Variants in ZNF385D observed in about 807,000 individuals in gnomAD.
ZNF385D encodes zinc finger protein 659.
In ZNF385D, 15 loss-of-function variants were observed where a neutral mutation model predicts 35.8. The observed-to-expected ratio is 0.42, with a 90% CI of 0.28 to 0.64. ZNF385D has a LOEUF of 0.64. Ranked by LOEUF, ZNF385D falls within the 30% of genes least tolerant of loss-of-function variation. The probability of loss-of-function intolerance (pLI) is 0.23; values close to 1 mark genes in which losing one functional copy is unlikely to be tolerated. For synonymous variants in ZNF385D, 212 were observed against 186.8 expected (o/e 1.13, Z -1.10); for missense variants, 474 against 494.6 (o/e 0.96, Z 0.39).
At chr3:21,507,576 T>C (rs1321717690) in intron 4 of ZNF385D, among the ~76,000 whole-genome samples, 1 of 152,150 alleles carries the variant, frequency 6.6e-6, no homozygotes, top group African/African-American at 2.4e-5. Context: ...TTCTGCCAAG[T>C]ATTTAACTAT....
At chr3:22,057,669 A>C (rs1699475165) in intron 3 of ZNF385D, among the ~76,000 whole-genome samples, 1 of 151,928 alleles carries the variant, frequency 6.6e-6, no homozygotes, top group African/African-American at 2.4e-5. Context: ...GCACACCACC[A>C]CATCCGGCTA....
chr3:21,546,066 T>C (rs2062359884), intron 3 of ZNF385D, among the ~76,000 whole-genome samples: 1 of 151,544 alleles, frequency 6.6e-6, no homozygotes, highest in African/African-American at 2.4e-5. Context: ...CCTATCATAT[T>C]TTTTTTTTGG....
chr3:22,238,758 G>C (rs1699330315), intron 2 of ZNF385D, among the ~76,000 whole-genome samples: 1 of 150,516 alleles, frequency 6.6e-6, no homozygotes, highest in Non-Finnish European at 1.5e-5. Flanking sequence ...TTTTAGACAA[G>C]ATCTTGCTCT....
intron 1 of ZNF385D, among the ~76,000 whole-genome samples, chr3:21,733,270 A>G (rs908577054): frequency 6.6e-6 from 1 of 152,120 alleles, no homozygotes; most frequent in African/African-American, 2.4e-5. Flanking sequence ...CAATACCACA[A>G]TATCTTGATT....
chr3:21,761,568 C>G (rs1003234649), intron 3 of ZNF385D, among the ~76,000 whole-genome samples: 4 of 152,058 alleles, frequency 2.6e-5, no homozygotes, highest in Admixed American at 6.5e-5. Flanking sequence ...TCAATCAATG[C>G]AAGAACCAAC....
chr3:22,043,489 C>T (rs770178317), intron 3 of ZNF385D, among the ~76,000 whole-genome samples: 1 of 152,098 alleles, frequency 6.6e-6, no homozygotes, highest in Non-Finnish European at 1.5e-5. Flanking sequence ...TTTATGTAAA[C>T]ATATTTACTT....
chr3:21,790,949 A>G (rs952901026), intron 3 of ZNF385D, among the ~76,000 whole-genome samples: 1 of 152,170 alleles, frequency 6.6e-6, no homozygotes, highest in African/African-American at 2.4e-5. Context: ...TGTTACAACA[A>G]GGGGTAAGGA....
chr3:22,036,818 C>T (rs774257354), intron 3 of ZNF385D, among the ~76,000 whole-genome samples: 6 of 149,014 alleles, frequency 4.0e-5, no homozygotes, highest in South Asian at 2.1e-4. Flanking sequence ...CCCATTAACT[C>T]GTCATTTAAC....
chr3:21,813,441 C>T (rs115364451), intron 3 of ZNF385D, among the ~76,000 whole-genome samples: 25,212 of 152,068 alleles, frequency 0.17, 2,290 homozygotes, highest in Non-Finnish European at 0.2. Flanking sequence ...CGCAAAGAAG[C>T]GAAAAACCTT....
At chr3:22,219,904 C>G (rs956470805) in intron 2 of ZNF385D, among the ~76,000 whole-genome samples, 2 of 151,952 alleles carry the variant, frequency 1.3e-5, no homozygotes, top group Non-Finnish European at 2.9e-5. Context: ...GTATTCTATG[C>G]CTCTTTTCTC....
chr3:21,792,469 C>T (rs977481734), intron 3 of ZNF385D, among the ~76,000 whole-genome samples: 1 of 152,198 alleles, frequency 6.6e-6, no homozygotes, highest in African/African-American at 2.4e-5. Flanking sequence ...GGCTTTCAGG[C>T]TACAATGGCA....
At chr3:22,296,416 G>A (rs1702580071) in intron 2 of ZNF385D, among the ~76,000 whole-genome samples, 1 of 152,072 alleles carries the variant, frequency 6.6e-6, no homozygotes, top group South Asian at 2.1e-4. Context: ...GGGTTCTCCA[G>A]GAAGAAAATG....
Position 21,740,675 on chromosome 3 carries a change from G to A in ZNF385D, c.22+10220C>T, listed in dbSNP as rs1256564286. 2.0e-5 allele frequency among the ~76,000 whole-genome samples: 3 copies of A among 152,172 alleles called. No homozygotes were observed. In the South Asian group the frequency reaches 6.2e-4, roughly 32 times the overall value. On this transcript the variant is annotated intron_variant, in intron 1 of 7. Transcript: ENST00000281523. ...GTGAGAGGAGACAATGTGTCGTGGG[G>A]AAAGAACCCAGGCTTTGAACTCAGA...
intron 3 of ZNF385D, among the ~76,000 whole-genome samples, chr3:22,032,670 A>T (rs986748451): frequency 6.6e-6 from 1 of 152,208 alleles, no homozygotes; most frequent in Admixed American, 6.5e-5. Flanking sequence ...ACTGACAAGT[A>T]CTAAACAATT....
intron 2 of ZNF385D, among the ~76,000 whole-genome samples, chr3:22,328,075 G>C (rs999288602): frequency 8.6e-5 from 13 of 151,738 alleles, no homozygotes; most frequent in Non-Finnish European, 1.5e-4. Flanking sequence ...CTTTTATTTA[G>C]GTTTCTTTTT....
At chr3:21,557,889 A>G (rs1271428381) in intron 3 of ZNF385D, among the ~76,000 whole-genome samples, 1 of 152,128 alleles carries the variant, frequency 6.6e-6, no homozygotes, top group African/African-American at 2.4e-5. Flanking sequence ...GGGAGGGTGT[A>G]TGGGTCCAGG....
intron 2 of ZNF385D, among the ~76,000 whole-genome samples, chr3:21,625,744 G>T (rs1252900953): frequency 2.0e-5 from 3 of 151,924 alleles, no homozygotes; most frequent in African/African-American, 7.3e-5. Flanking sequence ...TATTCAAATT[G>T]AATTAAAACT....
chr3:22,079,058 G>T (rs890595406), intron 3 of ZNF385D, among the ~76,000 whole-genome samples: 1 of 152,004 alleles, frequency 6.6e-6, no homozygotes, highest in Non-Finnish European at 1.5e-5. Context: ...GAAGACAGAA[G>T]TGGAATCAAA....
chr3:22,074,578 T>G (rs1211607134), intron 3 of ZNF385D, among the ~76,000 whole-genome samples: 2 of 151,982 alleles, frequency 1.3e-5, no homozygotes, highest in African/African-American at 4.8e-5. Flanking sequence ...AAACCTCATA[T>G]TGATACTGCC....
Sources: allele counts gnomAD v4.1 joint callset (sites outside exome capture counted in the v4.1 genomes callset), GRCh38; gene constraint gnomAD v4.1.1; transcripts MANE v1.5; gene names NCBI Gene and HGNC (gene_info 2026-07-23, HGNC 2026-07-21).